The following CNIH4 variants were observed in gnomAD, a reference collection of about 807,000 sequenced individuals.
CNIH4 encodes protein cornichon homolog 4.
Under a neutral mutation model 21.5 loss-of-function variants are expected in CNIH4, and 9 were observed. The ratio of observed to expected loss-of-function variants is 0.42; its 90% CI spans 0.25 to 0.73. The LOEUF (loss-of-function observed/expected upper bound fraction) is 0.73. CNIH4 is among the 30% of genes least tolerant of loss of function. CNIH4 has a pLI of 0.27. For synonymous variants in CNIH4, 67 were observed against 59.1 expected, an observed-to-expected ratio of 1.13 and a Z score of -0.61; for missense variants, 159 against 170.0, an observed-to-expected ratio of 0.94 and a Z score of 0.36.
At chr1:224,370,150 T>G (rs538345004) in intron 3 of CNIH4, among the ~76,000 whole-genome samples, 56 of 152,224 alleles carry the variant, frequency 3.7e-4, no homozygotes, top group Middle Eastern at 3.4e-3. Context: ...AAGGGTTTGA[T>G]GGACTGGCTA....
intron 3 of CNIH4, 33 bp from the exon 4 acceptor site, chr1:224,371,250 T>A: frequency 6.3e-7 from 1 of 1,589,144 alleles, no homozygotes; most frequent in African/African-American, 1.4e-5. Flanking sequence ...GATTTGATTA[T>A]CCTTCTAATG....
At position 224,356,917 on chromosome 1, in the gene CNIH4, G is replaced by T; in HGVS notation, c.-8G>T. 6.2e-7 allele frequency: 1 copy of T among 1,605,882 alleles called. No homozygotes were observed. The highest frequency in any genetic ancestry group is 1.3e-5 in the African/African-American group (1 of 74,976). ...TGACGGAAGGAGCGGCGGCGACGGAGGAGGAGGATGGAGGCGGTGGTGTTC... is the reference window on the plus strand; with the variant it reads ...TGACGGAAGGAGCGGCGGCGACGGATGAGGAGGATGGAGGCGGTGGTGTTC... On this transcript the variant is annotated 5_prime_UTR_variant, in exon 1 of 5. The change creates a new upstream start codon in the 5' untranslated region. Coordinates refer to ENST00000465271, the MANE Select transcript of CNIH4 (RefSeq NM_014184.4).
chr1:224,365,532 T>C (rs1485135743), intron 2 of CNIH4, among the ~76,000 whole-genome samples: 1 of 152,202 alleles, frequency 6.6e-6, no homozygotes, highest in African/African-American at 2.4e-5. Flanking sequence ...ATATCAGACA[T>C]CCCAAATTAG....
chr1:224,358,284 G>A (rs1182859118), intron 1 of CNIH4, among the ~76,000 whole-genome samples: 2 of 152,238 alleles, frequency 1.3e-5, no homozygotes, highest in Non-Finnish European at 2.9e-5. Flanking sequence ...CATAGCTAAT[G>A]TTCAGTAAAT....
At chr1:224,358,701 C>T (rs1336777046) in intron 1 of CNIH4, among the ~76,000 whole-genome samples, 2 of 152,176 alleles carry the variant, frequency 1.3e-5, no homozygotes, top group African/African-American at 4.8e-5. Context: ...TGAACTAGAG[C>T]TTATGCTCAG....
rs1370661482 is a variant in CNIH4, at chr1:224,378,979, A to G, written c.*3157A>G. On this transcript the variant is annotated 3_prime_UTR_variant, in exon 5 of 5. Coordinates refer to ENST00000465271, the MANE Select transcript of CNIH4 (RefSeq NM_014184.4). ...CCTTCCCTCTATAATGGCAGTACCC[A>G]GGGCCCGGTCCATAGACTACTATCG... 6.2e-6 allele frequency: 8 copies of G among 1,296,116 alleles called. No individual in the cohort carries two copies. The highest frequency in any genetic ancestry group is 5.0e-5 in the East Asian group (2 of 39,740). 80.3% of individuals were successfully genotyped at this position (1,296,116 alleles called of 1,614,324 possible).
chr1:224,364,132 G>A, intron 2 of CNIH4: 2 of 984,422 alleles, frequency 2.0e-6, no homozygotes, highest in Non-Finnish European at 2.4e-6. Flanking sequence ...GCTGACACCT[G>A]TCCCCAGTAC....
intron 4 of CNIH4, among the ~76,000 whole-genome samples, chr1:224,371,987 T>C (rs1387219252): frequency 6.6e-6 from 1 of 152,182 alleles, no homozygotes; most frequent in African/African-American, 2.4e-5. Flanking sequence ...GGAGTTCCAC[T>C]GCCTGTTATA....
intron 2 of CNIH4, chr1:224,364,462 A>G (rs948005561): frequency 5.9e-5 from 47 of 796,576 alleles, no homozygotes; most frequent in Non-Finnish European, 6.1e-5. Context: ...TGAGGTAGGT[A>G]TTATGTGTAT....
chr1:224,364,913 CAG>C (rs1672406891), intron 2 of CNIH4, among the ~76,000 whole-genome samples: 1 of 145,642 alleles, frequency 6.9e-6, no homozygotes, highest in Admixed American at 6.9e-5. Flanking sequence ...AGCCTGGCGA[CAG>C]AGCGAAAAAA....
At chr1:224,371,566 G>A in intron 4 of CNIH4, 143 bp downstream of exon 4, 1 of 780,164 alleles carries the variant, frequency 1.3e-6, no homozygotes, top group Non-Finnish European at 2.0e-6. Context: ...GATTATTTAT[G>A]TATGTCATTG....
At chr1:224,362,815 T>A (rs372899618) in intron 2 of CNIH4, among the ~76,000 whole-genome samples, 11 of 151,992 alleles carry the variant, frequency 7.2e-5, no homozygotes, top group South Asian at 2.1e-4. Flanking sequence ...TCTTGTTTGT[T>A]TTGGACATCT....
At chr1:224,357,581 C>G (rs931187161) in intron 1 of CNIH4, 1 of 152,240 alleles carries the variant, frequency 6.6e-6, no homozygotes, top group African/African-American at 2.4e-5. Context: ...GCCAAAGGAG[C>G]GAAGTTGCTT....
At chr1:224,365,768 T>C in intron 2 of CNIH4, 111 bp from the exon 3 acceptor site, 2 of 759,502 alleles carry the variant, frequency 2.6e-6, no homozygotes, top group Non-Finnish European at 2.4e-6. Context: ...AAAATAATCT[T>C]GAAACAGTAG....
rs1163739067 is a variant in CNIH4 at position 224,378,368 on chromosome 1, A to AAATT, written c.*2546_*2547insAATT. 6.6e-6 allele frequency: 1 copy of AAATT among 152,250 alleles called. No homozygotes were observed. Among genetic ancestry groups the AAATT allele is most frequent in the Non-Finnish European group, 1.5e-5 (1 of 68,050 alleles). The allele number at this position is 152,250 out of a possible 1,614,324, so 9.4% of individuals were successfully genotyped here. A position where few individuals can be genotyped will look rare whatever the true frequency, so the allele number is the denominator to read the frequency against. On this transcript the variant is annotated 3_prime_UTR_variant, in exon 5 of 5. Transcript: ENST00000465271. Reference sequence around the variant, plus strand: ...GCTCAAAAACAATTTTTTTAGGGGCACTTCTACAAATCATGAAAGGGGGAT... The same window carrying AAATT: ...GCTCAAAAACAATTTTTTTAGGGGCAAATTCTTCTACAAATCATGAAAGGGGGAT...
chr1:224,377,046 C>A lies in CNIH4; in HGVS notation c.*1224C>A. 1 of 409,192 alleles carries A rather than the reference C, an allele frequency of 2.4e-6. No individual in the cohort carries two copies. The highest frequency in any genetic ancestry group is 3.3e-6 in the Non-Finnish European group (1 of 303,362). 25.3% of individuals were successfully genotyped at this position (409,192 alleles called of 1,614,324 possible). A position where few individuals can be genotyped will look rare whatever the true frequency, so the allele number is the denominator to read the frequency against. ...ACCCAAAAGATTAAATGTTACATGTCCTTTTAGTCCTTGACCAGGTCTAGC... is the reference window on the plus strand; with the variant it reads ...ACCCAAAAGATTAAATGTTACATGTACTTTTAGTCCTTGACCAGGTCTAGC... On this transcript the variant is annotated 3_prime_UTR_variant, in exon 5 of 5. Coordinates refer to ENST00000465271, the MANE Select transcript of CNIH4 (RefSeq NM_014184.4).
chr1:224,361,533 G>T (rs1053922990), intron 2 of CNIH4, among the ~76,000 whole-genome samples: 2 of 152,106 alleles, frequency 1.3e-5, no homozygotes, highest in African/African-American at 4.8e-5. Context: ...GGGATTACAG[G>T]TGTCAGCCAC....
At chr1:224,375,472 C>T (rs112793238) in intron 4 of CNIH4, among the ~76,000 whole-genome samples, 13 of 151,586 alleles carry the variant, frequency 8.6e-5, no homozygotes, top group African/African-American at 2.9e-4. Flanking sequence ...TTTTTCTGGA[C>T]ATAGGTGTTT....
chr1:224,376,040 A>G lies in CNIH4; in HGVS notation c.*218A>G, dbSNP rs1382465386. On this transcript the variant is annotated 3_prime_UTR_variant, in exon 5 of 5. Transcript: ENST00000465271. ...GTTCTCAACTTTAGCCTGAACGCCA[A>G]CACTTGAAGGTGTTTTTCATCCTCT... 4 of 1,251,790 alleles carry G rather than the reference A, an allele frequency of 3.2e-6. No individual in the cohort carries two copies. The highest frequency in any genetic ancestry group is 3.1e-5 in the African/African-American group (2 of 65,408). 77.5% of individuals were successfully genotyped at this position (1,251,790 alleles called of 1,614,324 possible). A position where few individuals can be genotyped will look rare whatever the true frequency, so the allele number is the denominator to read the frequency against.
Sources: gnomAD v4.1 joint callset for allele counts (sites outside exome capture counted in the v4.1 genomes callset) on GRCh38, gnomAD v4.1.1 for gene constraint, MANE v1.5 for transcripts, NCBI Gene and HGNC (gene_info 2026-07-23, HGNC 2026-07-21) for gene names.